The following CPED1 variants were observed in gnomAD, a reference collection of about 807,000 sequenced individuals.
CPED1 encodes cadherin-like and PC-esterase domain-containing protein 1.
A neutral mutation model predicts 128.2 loss-of-function variants in CPED1; 114 were observed. The ratio of observed to expected loss-of-function variants is 0.89; its 90% CI spans 0.76 to 1.04. The LOEUF (loss-of-function observed/expected upper bound fraction) is 1.04. Ranked by LOEUF, CPED1 falls within the 50% of genes least tolerant of loss-of-function variation. The pLI is 0.00. For synonymous variants in CPED1, 462 were observed against 426.7 expected, an observed-to-expected ratio of 1.08 and a Z score of -1.02; for missense variants, 1,211 against 1,207.1, an observed-to-expected ratio of 1.00 and a Z score of -0.05.
At chr7:121,274,942 G>A (rs1292807672) in intron 22 of CPED1, among the ~76,000 whole-genome samples, 2 of 152,102 alleles carry the variant, frequency 1.3e-5, no homozygotes, top group South Asian at 2.1e-4. Flanking sequence ...TCACCTCTGT[G>A]CTCATCTTAT....
At position 121,159,680 on chromosome 7, in the gene CPED1, G is replaced by A. The variant is rs77665949; in HGVS notation, c.2055+17539G>A. Among the ~76,000 whole-genome samples the A allele has an allele frequency of 8.9e-4, 136 of 152,132 alleles. 2 individuals carry two copies. The highest frequency in any genetic ancestry group is 3.2e-3 in the African/African-American group (131 of 41,510). On this transcript the variant is annotated intron_variant, in intron 16 of 22. Transcript: ENST00000310396. Reference sequence around the variant, plus strand: ...TATTGTTCAAGATGGTGAAATAATTGTGGTATCTTTTTAAAAACTCTACAA... The same window carrying A: ...TATTGTTCAAGATGGTGAAATAATTATGGTATCTTTTTAAAAACTCTACAA...
At chr7:121,260,829 T>G (rs536110363) in intron 18 of CPED1, among the ~76,000 whole-genome samples, 4 of 152,076 alleles carry the variant, frequency 2.6e-5, no homozygotes, top group Non-Finnish European at 4.4e-5. Context: ...AGAGAAAAGC[T>G]ACCACTTCTG....
At chr7:121,160,390 A>G (rs1236632540) in intron 16 of CPED1, among the ~76,000 whole-genome samples, 1 of 152,186 alleles carries the variant, frequency 6.6e-6, no homozygotes, top group Non-Finnish European at 1.5e-5. Context: ...ATGAGGGGAT[A>G]GAGAGCGAGA....
At chr7:121,136,646 A>G (rs1019849904) in intron 14 of CPED1, among the ~76,000 whole-genome samples, 30 of 152,130 alleles carry the variant, frequency 2.0e-4, no homozygotes, top group African/African-American at 7.2e-4. Flanking sequence ...TTGCAAATAT[A>G]TCATCTTAGA....
Position 121,032,366 on chromosome 7 carries a change from A to G in CPED1, c.434-14521A>G, listed in dbSNP as rs1164366839. Among the ~76,000 whole-genome samples the G allele has an allele frequency of 3.3e-5, 5 of 152,262 alleles. No individual in the cohort carries two copies. In the East Asian group the frequency reaches 7.7e-4, roughly 23 times the overall value. On this transcript the variant is annotated intron_variant, in intron 3 of 22. Coordinates refer to ENST00000310396, the MANE Select transcript of CPED1 (RefSeq NM_024913.5). ...TAATATTATGAGACTAAATGGAACT[A>G]TGATTTGGCATAATCCTGTTAAAAT...
chr7:121,182,172 C>T (rs530739325), intron 16 of CPED1, among the ~76,000 whole-genome samples: 226 of 147,492 alleles, frequency 1.5e-3, no homozygotes, highest in African/African-American at 5.3e-3. Flanking sequence ...TATGTCAGCC[C>T]GTGCTAAATA....
At chr7:121,022,135 G>T (rs1325146877) in intron 3 of CPED1, among the ~76,000 whole-genome samples, 2 of 151,650 alleles carry the variant, frequency 1.3e-5, no homozygotes, top group African/African-American at 4.8e-5. Flanking sequence ...CTTCCACATA[G>T]GGGCATATGA....
chr7:121,042,636 C>T (rs1019694974), intron 3 of CPED1, among the ~76,000 whole-genome samples: 14 of 152,218 alleles, frequency 9.2e-5, no homozygotes, highest in Non-Finnish European at 1.8e-4. Flanking sequence ...TCTCTTCCCA[C>T]CACTAACTGG....
chr7:121,126,853 CTAA>C (rs1259880806), intron 9 of CPED1, among the ~76,000 whole-genome samples: 3 of 152,140 alleles, frequency 2.0e-5, no homozygotes, highest in Admixed American at 6.5e-5. Flanking sequence ...TCGAGATAAA[CTAA>C]TGTGACTTTA....
chr7:121,202,799 G>A (rs1797428459), intron 16 of CPED1, among the ~76,000 whole-genome samples: 1 of 152,020 alleles, frequency 6.6e-6, no homozygotes, highest in Non-Finnish European at 1.5e-5. Context: ...AGCCTGATTG[G>A]GAAATAATTA....
chr7:121,122,567 G>A (rs1415290279), intron 7 of CPED1, among the ~76,000 whole-genome samples: 3 of 152,194 alleles, frequency 2.0e-5, no homozygotes, highest in African/African-American at 7.2e-5. Flanking sequence ...AGTAGGCACT[G>A]TTATTAATCC....
intron 18 of CPED1, among the ~76,000 whole-genome samples, chr7:121,252,018 C>G (rs1182535465): frequency 2.6e-5 from 4 of 151,406 alleles, no homozygotes; most frequent in East Asian, 1.9e-4. Flanking sequence ...CAATCCTAAG[C>G]CAAAAGAACA....
intron 16 of CPED1, chr7:121,195,111 T>C (rs997446672): frequency 4.6e-5 from 7 of 152,152 alleles, no homozygotes; most frequent in Non-Finnish European, 8.8e-5. Context: ...GTGTATAAAG[T>C]ACCATACTAA....
Position 121,295,140 on chromosome 7 carries a change from A to AACACACACACACACACACACAC in CPED1, c.2869-286_2869-265dup, listed in dbSNP as rs35927183. ...TGTATGTCAGTGTGCCTGGCCTGAA[A>AACACACACACACACACACACAC]ACACACACACACACACACACACACA... is the stretch of plus-strand genomic sequence containing the variant. On this transcript the variant is annotated intron_variant, in intron 22 of 22. Coordinates refer to ENST00000310396, the MANE Select transcript of CPED1 (RefSeq NM_024913.5). 1.8e-3 allele frequency among the ~76,000 whole-genome samples: 264 copies of AACACACACACACACACACACAC among 145,858 alleles called. 1 individual carries two copies. Among genetic ancestry groups the AACACACACACACACACACACAC allele is most frequent in the African/African-American group, 6.4e-3 (246 of 38,708 alleles).
chr7:121,160,951 C>A (rs1796399182), intron 16 of CPED1, among the ~76,000 whole-genome samples: 1 of 152,138 alleles, frequency 6.6e-6, no homozygotes, highest in African/African-American at 2.4e-5. Flanking sequence ...TCGAGGTCAA[C>A]AGGGATGACC....
At chr7:121,125,562 T>C (rs556676769) in intron 8 of CPED1, among the ~76,000 whole-genome samples, 1 of 152,308 alleles carries the variant, frequency 6.6e-6, no homozygotes, top group South Asian at 2.1e-4. Flanking sequence ...CATGCAACGT[T>C]TGGTTTTCTG....
intron 11 of CPED1, among the ~76,000 whole-genome samples, chr7:121,129,297 A>G (rs1795593205): frequency 1.5e-4 from 1 of 6,468 alleles, no homozygotes; most frequent in African/African-American, 2.2e-4. Flanking sequence ...GTATATATAT[A>G]TATATATATA....
In CPED1 at chr7:121,244,802, C is replaced by T. The variant is rs184726291; in HGVS notation, c.2310+464C>T. 1.6e-3 allele frequency among the ~76,000 whole-genome samples: 247 copies of T among 152,296 alleles called. 1 individual carries two copies. The highest frequency in any genetic ancestry group is 5.5e-3 in the African/African-American group (228 of 41,574). On this transcript the variant is annotated intron_variant, in intron 18 of 22. Transcript: ENST00000310396. ...TTCCAAGTGCATGGGATTGTTTTTA[C>T]GCACTAACCTTACTGATCTTCTTTC... is the stretch of plus-strand genomic sequence containing the variant.
At chr7:121,204,479 T>C (rs1209934132) in intron 16 of CPED1, among the ~76,000 whole-genome samples, 2 of 152,150 alleles carry the variant, frequency 1.3e-5, no homozygotes, top group East Asian at 1.9e-4. Flanking sequence ...GGCAGCCATA[T>C]GTCAGACTTT....
Sources: gnomAD v4.1 joint callset for allele counts (sites outside exome capture counted in the v4.1 genomes callset) on GRCh38, gnomAD v4.1.1 for gene constraint, MANE v1.5 for transcripts, NCBI Gene and HGNC (gene_info 2026-07-23, HGNC 2026-07-21) for gene names.